The following GPR176 variants were observed in gnomAD, a reference collection of about 807,000 sequenced individuals.
The protein encoded by GPR176 is G protein-coupled receptor 176, also known as G-protein coupled receptor 176.
Under a neutral mutation model 35.4 loss-of-function variants are expected in GPR176, and 26 were observed. The observed-to-expected ratio is 0.74, with a 90% confidence interval of 0.54 to 1.02. The LOEUF is 1.02. Ranked by LOEUF, GPR176 falls within the 50% of genes least tolerant of loss-of-function variation. The pLI is 0.00. For missense variants in GPR176, 597 were observed against 665.3 expected (o/e 0.90, Z 1.13); for synonymous variants, 278 against 271.3 (o/e 1.02, Z -0.24).
chr15:39,819,427 T>C (rs890911835), intron 1 of GPR176, among the ~76,000 whole-genome samples: 1 of 152,248 alleles, frequency 6.6e-6, no homozygotes, highest in African/African-American at 2.4e-5. Context: ...GACATGGTTT[T>C]ATATCTAGGG....
At chr15:39,814,277 C>T (rs1899755563) in intron 1 of GPR176, among the ~76,000 whole-genome samples, 1 of 152,190 alleles carries the variant, frequency 6.6e-6, no homozygotes, top group Non-Finnish European at 1.5e-5. Flanking sequence ...CTCTTAACCA[C>T]TCATTCTTAT....
rs1371353252 is a variant in GPR176 at position 39,801,640 on chromosome 15, A to G, written c.1040T>C (p.Val347Ala). ...QLHHRYSRRNVVSTGSGMAEA... is the reference protein window; with the variant it reads ...QLHHRYSRRNAVSTGSGMAEA... The stretch of plus-strand genomic sequence containing the variant: ...AGCCATGCCACTCCCTGTACTGACC[A>G]CATTACGGCGACTGTACCGGTGGTG... Residue 347 changes from valine to alanine, a missense_variant, in exon 3 of 3, where the codon GTG (valine) becomes GCG (alanine). Coordinates refer to ENST00000561100, the MANE Select transcript of GPR176 (RefSeq NM_007223.3). 1.1e-5 allele frequency: 18 copies of G among 1,613,892 alleles called. No individual in the cohort carries two copies. Among genetic ancestry groups the G allele is most frequent in the Non-Finnish European group, 1.2e-5 (14 of 1,179,960 alleles).
chr15:39,884,667 A>C (rs1215320424), intron 1 of GPR176, among the ~76,000 whole-genome samples: 1 of 152,208 alleles, frequency 6.6e-6, no homozygotes, highest in African/African-American at 2.4e-5. Flanking sequence ...ATCCAGGCAG[A>C]ATGTATCCTT....
At chr15:39,913,657 G>A (rs2033639433) in intron 1 of GPR176, among the ~76,000 whole-genome samples, 1 of 152,142 alleles carries the variant, frequency 6.6e-6, no homozygotes. Flanking sequence ...AAGGATACAT[G>A]GTTTCTTTAG....
intron 1 of GPR176, among the ~76,000 whole-genome samples, chr15:39,903,574 A>G (rs925849773): frequency 6.8e-6 from 1 of 146,424 alleles, no homozygotes; most frequent in Non-Finnish European, 1.5e-5. Flanking sequence ...TGGCTACATC[A>G]TATGTGAGGT....
intron 1 of GPR176, among the ~76,000 whole-genome samples, chr15:39,875,889 A>G (rs1219524264): frequency 6.6e-6 from 1 of 151,182 alleles, no homozygotes; most frequent in African/African-American, 2.4e-5. Context: ...AATATTTTGT[A>G]ATCTATTTTT....
At chr15:39,884,040 TAAAAG>T (rs746238708) in intron 1 of GPR176, among the ~76,000 whole-genome samples, 57 of 152,070 alleles carry the variant, frequency 3.7e-4, no homozygotes, top group Non-Finnish European at 2.8e-4. Context: ...AGAGGAAAAA[TAAAAG>T]AACTCCAAAC....
At chr15:39,810,889 A>G (rs372692447) in intron 1 of GPR176, among the ~76,000 whole-genome samples, 4 of 152,334 alleles carry the variant, frequency 2.6e-5, no homozygotes, top group African/African-American at 9.6e-5. Context: ...ATAATAGAAG[A>G]AACAACCAGC....
At chr15:39,918,970 C>T (rs2033800509) in intron 1 of GPR176, among the ~76,000 whole-genome samples, 1 of 152,130 alleles carries the variant, frequency 6.6e-6, no homozygotes, top group African/African-American at 2.4e-5. Context: ...ATATCGGGGA[C>T]ACAGGAAAGG....
intron 1 of GPR176, among the ~76,000 whole-genome samples, chr15:39,881,046 C>T (rs979851993): frequency 4.6e-5 from 7 of 152,136 alleles, no homozygotes; most frequent in Non-Finnish European, 1.0e-4. Context: ...CAGCCAGTTC[C>T]ATCTTGTGGG....
At chr15:39,891,836 C>A (rs1480565765) in intron 1 of GPR176, among the ~76,000 whole-genome samples, 1 of 152,048 alleles carries the variant, frequency 6.6e-6, no homozygotes, top group Non-Finnish European at 1.5e-5. Context: ...GAGACCTTGT[C>A]TCTAAAAAAA....
chr15:39,825,325 T>C (rs1245387353), intron 1 of GPR176, among the ~76,000 whole-genome samples: 1 of 152,208 alleles, frequency 6.6e-6, no homozygotes, highest in African/African-American at 2.4e-5. Flanking sequence ...TCTGTGAATA[T>C]ATACACTTAT....
chr15:39,827,651 G>A (rs991919014), intron 1 of GPR176, among the ~76,000 whole-genome samples: 1 of 152,144 alleles, frequency 6.6e-6, no homozygotes, highest in Non-Finnish European at 1.5e-5. Flanking sequence ...CAGTGGACAG[G>A]TAGATTGCTA....
At chr15:39,832,170 C>A (rs1901130681) in intron 1 of GPR176, among the ~76,000 whole-genome samples, 1 of 152,216 alleles carries the variant, frequency 6.6e-6, no homozygotes, top group South Asian at 2.1e-4. Context: ...CAATGATAAA[C>A]CACTTCACAC....
At chr15:39,824,947 G>A (rs1021380400) in intron 1 of GPR176, among the ~76,000 whole-genome samples, 2 of 152,152 alleles carry the variant, frequency 1.3e-5, no homozygotes. Context: ...GCTCATGCCT[G>A]TAATCCCAGC....
chr15:39,890,471 C>T (rs936664187), intron 1 of GPR176, among the ~76,000 whole-genome samples: 8 of 152,218 alleles, frequency 5.3e-5, no homozygotes, highest in Non-Finnish European at 7.3e-5. Flanking sequence ...TGAGGAGATA[C>T]GCCTTAGGCG....
intron 1 of GPR176, among the ~76,000 whole-genome samples, chr15:39,845,260 C>G (rs1487189209): frequency 6.6e-6 from 1 of 152,028 alleles, no homozygotes; most frequent in Non-Finnish European, 1.5e-5. Flanking sequence ...GAAGTCCTTG[C>G]TCTCATATAA....
chr15:39,911,735 C>T (rs1204828584), intron 1 of GPR176, among the ~76,000 whole-genome samples: 1 of 152,182 alleles, frequency 6.6e-6, no homozygotes, highest in African/African-American at 2.4e-5. Context: ...TCATGCCTTA[C>T]AGTATGTTAA....
chr15:39,888,103 T>C (rs2032736145), intron 1 of GPR176, among the ~76,000 whole-genome samples: 2 of 152,216 alleles, frequency 1.3e-5, no homozygotes, highest in Admixed American at 1.3e-4. Flanking sequence ...TCTGCAGTCA[T>C]TTATCTAAAT....
Sources: gnomAD v4.1 joint callset for allele counts (sites outside exome capture counted in the v4.1 genomes callset) on GRCh38, gnomAD v4.1.1 for gene constraint, MANE v1.5 for transcripts, NCBI Gene and HGNC (gene_info 2026-07-23, HGNC 2026-07-21) for gene names.